CNOT6: variants seen among roughly 807,000 people sequenced by gnomAD.
The protein encoded by CNOT6 is CCR4-NOT transcription complex subunit 6.
Under a neutral mutation model 61.2 loss-of-function variants are expected in CNOT6, and 12 were observed. The observed-to-expected ratio is 0.20, with a 90% CI of 0.13 to 0.32. CNOT6 has a LOEUF of 0.32. Ranked by LOEUF, CNOT6 falls within the 10% of genes least tolerant of loss-of-function variation. The probability of loss-of-function intolerance (pLI) is 1.00; values close to 1 mark genes in which losing one functional copy is unlikely to be tolerated. For missense variants in CNOT6, 405 were observed against 663.9 expected (o/e 0.61, Z 4.28); for synonymous variants, 225 against 240.6 (o/e 0.94, Z 0.60).
At chr5:180,500,704 A>T (rs1432957697) in intron 1 of CNOT6, among the ~76,000 whole-genome samples, 1 of 152,228 alleles carries the variant, frequency 6.6e-6, no homozygotes, top group East Asian at 1.9e-4. Flanking sequence ...TTGTTGAACA[A>T]TCTATGTGTC....
intron 4 of CNOT6, among the ~76,000 whole-genome samples, chr5:180,563,233 T>TG (rs1760275659): frequency 1.3e-5 from 2 of 151,388 alleles, no homozygotes; most frequent in African/African-American, 4.9e-5. Flanking sequence ...TTTTTTTTTT[T>TG]GAGACAGAGT....
intron 1 of CNOT6, among the ~76,000 whole-genome samples, chr5:180,503,931 G>A (rs539989760): frequency 1.8e-4 from 27 of 152,094 alleles, no homozygotes; most frequent in African/African-American, 6.3e-4. Context: ...ACACTCTCAT[G>A]GTATTATGAC....
At chr5:180,508,470 C>T (rs1317499352) in intron 1 of CNOT6, among the ~76,000 whole-genome samples, 1 of 152,116 alleles carries the variant, frequency 6.6e-6, no homozygotes, top group African/African-American at 2.4e-5. Flanking sequence ...CGCCACCATG[C>T]CCAGCTAATT....
At chr5:180,561,470 T>C (rs1234825562) in intron 4 of CNOT6, among the ~76,000 whole-genome samples, 1 of 152,094 alleles carries the variant, frequency 6.6e-6, no homozygotes, top group Admixed American at 6.5e-5. Context: ...ATTCTGTTTC[T>C]GTCATCTCAG....
At chr5:180,547,890 T>C (rs71613470) in intron 2 of CNOT6, among the ~76,000 whole-genome samples, 25,519 of 151,958 alleles carry the variant, frequency 0.17, 2,255 homozygotes, top group Non-Finnish European at 0.19. Flanking sequence ...CCCACCAGCA[T>C]ACCTGGCTAA....
In CNOT6 at chr5:180,510,134, CTTTTTTTTTTTTTTTTTT is replaced by C. The variant is rs56899929; in HGVS notation, c.-3+15389_-3+15406del. On this transcript the variant is annotated intron_variant, in intron 1 of 11. Transcript: ENST00000261951. Reference sequence around the variant, plus strand: ...TAAATGAGGTTTATCGTCTGTAAACCTTTTTTTTTTTTTTTTTTTTTTTTTTTTTTTTTTTAAGAGATG... The same window carrying C: ...TAAATGAGGTTTATCGTCTGTAAACCTTTTTTTTTTTTTTTTTAAGAGATG... Among the ~76,000 whole-genome samples, 321 of 37,442 alleles carry C rather than the reference CTTTTTTTTTTTTTTTTTT, an allele frequency of 8.6e-3. 5 individuals are homozygous for C. Among genetic ancestry groups the C allele is most frequent in the South Asian group, 0.038 (26 of 688 alleles). 24.6% of individuals were successfully genotyped at this position (37,442 alleles called of 152,430 possible).
intron 11 of CNOT6, 95 bp from the exon 12 acceptor site, chr5:180,573,893 G>A (rs1354577630): frequency 1.2e-6 from 1 of 834,564 alleles, no homozygotes; most frequent in Non-Finnish European, 2.0e-6. Flanking sequence ...GTTCTGTTCT[G>A]TTCACCAAAC....
At chr5:180,501,343 T>C (rs1309705501) in intron 1 of CNOT6, among the ~76,000 whole-genome samples, 1 of 152,162 alleles carries the variant, frequency 6.6e-6, no homozygotes, top group Non-Finnish European at 1.5e-5. Context: ...TCAGAACTTG[T>C]TTAGCTTAGA....
intron 2 of CNOT6, among the ~76,000 whole-genome samples, chr5:180,541,440 A>ATTTTTTTTTTTTTTTTT (rs1176286473): frequency 3.9e-5 from 4 of 102,926 alleles, no homozygotes; most frequent in Admixed American, 2.2e-4. Flanking sequence ...CTGGCCAAGA[A>ATTTTTTTTTTTTTTTTT]ATTTTTTTTT....
chr5:180,511,981 C>T (rs889823928), intron 1 of CNOT6, among the ~76,000 whole-genome samples: 9 of 152,160 alleles, frequency 5.9e-5, no homozygotes, highest in African/African-American at 1.7e-4. Context: ...TGGCTTGGAA[C>T]TCATTTCTCT....
intron 2 of CNOT6, among the ~76,000 whole-genome samples, chr5:180,545,505 A>G (rs555493169): frequency 2.0e-5 from 3 of 151,998 alleles, no homozygotes; most frequent in East Asian, 1.9e-4. Context: ...CTTATCCTCT[A>G]TACTTATCCT....
At chr5:180,526,377 A>G (rs1480287217) in intron 1 of CNOT6, among the ~76,000 whole-genome samples, 1 of 152,196 alleles carries the variant, frequency 6.6e-6, no homozygotes, top group Non-Finnish European at 1.5e-5. Context: ...AATGTCCTTG[A>G]ATAGGCAGAA....
chr5:180,533,510 A>C (rs1233637957), intron 2 of CNOT6, among the ~76,000 whole-genome samples: 1 of 151,800 alleles, frequency 6.6e-6, no homozygotes, highest in African/African-American at 2.4e-5. Flanking sequence ...TCCTGGGCTC[A>C]TGTGATCCTC....
At chr5:180,502,381 T>C (rs990370666) in intron 1 of CNOT6, among the ~76,000 whole-genome samples, 14 of 152,210 alleles carry the variant, frequency 9.2e-5, no homozygotes, top group African/African-American at 3.4e-4. Flanking sequence ...AGAAGATTTG[T>C]CCTCATTAGC....
chr5:180,505,915 T>C (rs541355862), intron 1 of CNOT6, among the ~76,000 whole-genome samples: 14 of 152,164 alleles, frequency 9.2e-5, no homozygotes, highest in Non-Finnish European at 1.3e-4. Flanking sequence ...TCTGCTGTCT[T>C]AGTGTATTGT....
intron 10 of CNOT6, 63 bp from the exon 11 acceptor site, chr5:180,571,167 C>A: frequency 8.7e-7 from 1 of 1,154,126 alleles, no homozygotes; most frequent in Non-Finnish European, 1.3e-6. Context: ...CTTACTATTG[C>A]ATGATCTTTT....
At chr5:180,568,029 A>G in intron 9 of CNOT6, 26 bp downstream of exon 9, 3 of 1,583,432 alleles carry the variant, frequency 1.9e-6, no homozygotes, top group Non-Finnish European at 2.6e-6. Context: ...TTCCTGTAAA[A>G]TTGACCAGCT....
Position 180,550,000 on chromosome 5 carries a change from A to G in CNOT6, c.182A>G (p.Asn61Ser), listed in dbSNP as rs939213687. 9 of 1,613,976 alleles carry G rather than the reference A, an allele frequency of 5.6e-6. No homozygotes were observed. Among genetic ancestry groups the G allele is most frequent in the Non-Finnish European group, 1.7e-6 (2 of 1,179,980 alleles). Residue 61 changes from asparagine to serine, a missense_variant, in exon 3 of 12, where the codon AAT becomes AGT. Physicochemically the swap from Asn to Ser is conservative, Grantham distance 46. Coordinates refer to ENST00000261951, the MANE Select transcript of CNOT6 (RefSeq NM_001370472.1). ...THLTALHLSD[N>S]SLSRIPSDIA... ...CTGACAGCTTTGCATTTGAGTGACA[A>G]TTCCCTGTCCCGAATTCCTTCAGAC... is the stretch of plus-strand genomic sequence containing the variant.
At chr5:180,535,220 G>T (rs1355719310) in intron 2 of CNOT6, among the ~76,000 whole-genome samples, 1 of 152,234 alleles carries the variant, frequency 6.6e-6, no homozygotes, top group Non-Finnish European at 1.5e-5. Context: ...TTTCTTACCG[G>T]ATATATTGTG....
Sources: gnomAD v4.1 joint callset for allele counts (sites outside exome capture counted in the v4.1 genomes callset) on GRCh38, gnomAD v4.1.1 for gene constraint, MANE v1.5 for transcripts, NCBI Gene and HGNC (gene_info 2026-07-23, HGNC 2026-07-21) for gene names.